The following SRGAP2 variants were observed in gnomAD, a reference collection of about 807,000 sequenced individuals.
The protein encoded by SRGAP2 is SLIT-ROBO Rho GTPase-activating protein 2.
A neutral mutation model predicts 57.2 loss-of-function variants in SRGAP2; 15 were observed. The ratio of observed to expected loss-of-function variants is 0.26; its 90% CI spans 0.18 to 0.40. The LOEUF is 0.40. SRGAP2 is among the 10% of genes least tolerant of loss of function. The pLI, the probability that SRGAP2 is intolerant of heterozygous loss-of-function variation, is 1.00. For missense variants in SRGAP2, 520 were observed against 669.6 expected (o/e 0.78, Z 2.47); for synonymous variants, 249 against 248.0 (o/e 1.00, Z -0.04).
At chr1:206,402,946 C>G (rs2103148130) in intron 8 of SRGAP2, among the ~76,000 whole-genome samples, 1 of 121,852 alleles carries the variant, frequency 8.2e-6, no homozygotes, top group East Asian at 2.3e-4. Flanking sequence ...TGATGCTTCC[C>G]TTAAGATTAG....
chr1:206,385,950 A>G (rs1656200904), intron 5 of SRGAP2, among the ~76,000 whole-genome samples: 1 of 152,164 alleles, frequency 6.6e-6, no homozygotes, highest in African/African-American at 2.4e-5. Context: ...TTAAAATGTG[A>G]TGTTTTCCTC....
At chr1:206,212,892 AAAAAAAC>A (rs1558222178) in intron 2 of SRGAP2, among the ~76,000 whole-genome samples, 1 of 139,602 alleles carries the variant, frequency 7.2e-6, no homozygotes, top group East Asian at 2.2e-4. Context: ...TTTGCAAGAA[AAAAAAAC>A]AAAAAACAAA....
intron 2 of SRGAP2, among the ~76,000 whole-genome samples, chr1:206,220,758 C>T (rs1666933325): frequency 6.6e-6 from 1 of 152,116 alleles, no homozygotes; most frequent in Non-Finnish European, 1.5e-5. Flanking sequence ...TTTGGGTTCT[C>T]AGCAACTTGG....
intron 3 of SRGAP2, among the ~76,000 whole-genome samples, chr1:206,325,974 G>C (rs1289367397): frequency 6.6e-6 from 1 of 151,982 alleles, no homozygotes; most frequent in Non-Finnish European, 1.5e-5. Flanking sequence ...CACACTTACA[G>C]AAACTGCTCT....
At chr1:206,249,082 C>T (rs1193230857) in intron 2 of SRGAP2, among the ~76,000 whole-genome samples, 4 of 152,328 alleles carry the variant, frequency 2.6e-5, no homozygotes, top group Admixed American at 2.6e-4. Context: ...TCTTAATAAA[C>T]ACTGGGCTCA....
chr1:206,431,247 T>A (rs1005886551), intron 14 of SRGAP2, among the ~76,000 whole-genome samples: 28 of 152,230 alleles, frequency 1.8e-4, no homozygotes, highest in Non-Finnish European at 3.5e-4. Context: ...TATATCAGTA[T>A]TGAACAGTCA....
chr1:206,268,075 A>ATATAT (rs1669971776), intron 2 of SRGAP2, among the ~76,000 whole-genome samples: 1 of 143,212 alleles, frequency 7.0e-6, no homozygotes, highest in African/African-American at 2.8e-5. Flanking sequence ...TGGACTATAT[A>ATATAT]TATATATTTT....
intron 13 of SRGAP2, among the ~76,000 whole-genome samples, chr1:206,424,353 T>C (rs1167909962): frequency 6.6e-6 from 1 of 152,136 alleles, no homozygotes; most frequent in Non-Finnish European, 1.5e-5. Context: ...AAGAGACGAA[T>C]AGTACATAAA....
chr1:206,229,355 T>TA (rs1316890270), intron 2 of SRGAP2, among the ~76,000 whole-genome samples: 2 of 150,636 alleles, frequency 1.3e-5, no homozygotes, highest in Admixed American at 6.6e-5. Flanking sequence ...CCTTTTGTCT[T>TA]ATCTTGCAAG....
At chr1:206,240,774 T>C (rs199663117) in intron 2 of SRGAP2, among the ~76,000 whole-genome samples, 1 of 149,882 alleles carries the variant, frequency 6.7e-6, no homozygotes, top group Non-Finnish European at 1.5e-5. Flanking sequence ...TCCTAGGAAC[T>C]GGGATCCAGG....
At chr1:206,376,284 T>C (rs1655195210) in intron 4 of SRGAP2, among the ~76,000 whole-genome samples, 2 of 151,628 alleles carry the variant, frequency 1.3e-5, no homozygotes, top group South Asian at 4.2e-4. Context: ...GAATTATTTC[T>C]TACAGAGTCA....
intron 4 of SRGAP2, among the ~76,000 whole-genome samples, chr1:206,365,787 G>A (rs1180560412): frequency 1.4e-5 from 2 of 146,718 alleles, no homozygotes; most frequent in African/African-American, 5.2e-5. Context: ...TTCCTTATTG[G>A]TTAAATTCCC....
chr1:206,346,963 C>A (rs1361934590), intron 4 of SRGAP2, among the ~76,000 whole-genome samples: 1 of 151,176 alleles, frequency 6.6e-6, no homozygotes, highest in Non-Finnish European at 1.5e-5. Flanking sequence ...TTAAGCAGGC[C>A]AGGCACAGTG....
rs551151564 is a variant in SRGAP2 at position 206,375,893 on chromosome 1, C to T, written c.424-8121C>T. On this transcript the variant is annotated intron_variant, in intron 4 of 22. Coordinates refer to ENST00000573034, the MANE Select transcript of SRGAP2 (RefSeq NM_015326.5). ...TTGTGGGTTATCAAGTGTTACTGCT[C>T]ACACATTCCAGAGCTTCTGGAAAAG... Among the ~76,000 whole-genome samples, 45 of 151,628 alleles carry T rather than the reference C, an allele frequency of 3.0e-4. 1 individual carries two copies. The highest frequency in any genetic ancestry group is 5.6e-4 in the Non-Finnish European group (38 of 67,878).
intron 4 of SRGAP2, among the ~76,000 whole-genome samples, chr1:206,382,608 G>A (rs1424827810): frequency 6.6e-6 from 1 of 151,698 alleles, no homozygotes; most frequent in African/African-American, 2.4e-5. Flanking sequence ...GAATTTAAGA[G>A]TTACTTTTGT....
At chr1:206,294,835 C>T (rs1671499651) in intron 2 of SRGAP2, among the ~76,000 whole-genome samples, 1 of 151,904 alleles carries the variant, frequency 6.6e-6, no homozygotes, top group South Asian at 2.1e-4. Flanking sequence ...TTTACCAGCT[C>T]CATTTCTGGC....
intron 2 of SRGAP2, among the ~76,000 whole-genome samples, chr1:206,232,246 A>G (rs1667690411): frequency 6.6e-6 from 1 of 152,200 alleles, no homozygotes; most frequent in African/African-American, 2.4e-5. Flanking sequence ...GATAGTCTGA[A>G]GCAAGTAGAC....
intron 21 of SRGAP2, chr1:206,455,276 G>A (rs782533577): frequency 3.6e-5 from 19 of 531,318 alleles, no homozygotes; most frequent in Admixed American, 3.3e-4. Flanking sequence ...GTGTGTTCCC[G>A]CAGTGTCTGT....
At chr1:206,415,837 T>C (rs1659653861) in intron 10 of SRGAP2, 52 bp from the exon 11 acceptor site, 1 of 740,828 alleles carries the variant, frequency 1.3e-6, no homozygotes, top group African/African-American at 1.7e-5. Flanking sequence ...CTGTGATTTT[T>C]TTCTTCTTCT....
Sources: allele counts gnomAD v4.1 joint callset (sites outside exome capture counted in the v4.1 genomes callset), GRCh38; gene constraint gnomAD v4.1.1; transcripts MANE v1.5; gene names NCBI Gene and HGNC (gene_info 2026-07-23, HGNC 2026-07-21).